The following RARRES1 variants were observed in gnomAD, a reference collection of about 807,000 sequenced individuals.
RARRES1 encodes the protein retinoic acid receptor responder protein 1.
RARRES1 carries 34 observed loss-of-function variants against 30.6 expected under a neutral mutation model. That is an observed-to-expected ratio of 1.11 (90% CI 0.84 to 1.48). The LOEUF is 1.48. Ranked by LOEUF, RARRES1 falls within the 40% of genes most tolerant of loss-of-function variation. The probability of loss-of-function intolerance (pLI) is 0.00; values close to 1 mark genes in which losing one functional copy is unlikely to be tolerated. For missense variants in RARRES1, 373 were observed against 386.5 expected (o/e 0.97, Z 0.29); for synonymous variants, 153 against 155.5 (o/e 0.98, Z 0.12).
intron 2 of RARRES1, among the ~76,000 whole-genome samples, chr3:158,711,181 TATC>T (rs1727124402): frequency 6.6e-6 from 1 of 152,154 alleles, no homozygotes; most frequent in Non-Finnish European, 1.5e-5. Flanking sequence ...TCCAAAGAAA[TATC>T]ATTGACATCC....
intron 3 of RARRES1, among the ~76,000 whole-genome samples, chr3:158,708,617 T>C (rs1727004343): frequency 6.6e-6 from 1 of 152,076 alleles, no homozygotes. Context: ...CCCATTGTAC[T>C]ACAACAGTCC....
intron 3 of RARRES1, among the ~76,000 whole-genome samples, chr3:158,707,313 A>G (rs1726956184): frequency 2.0e-5 from 3 of 152,212 alleles, no homozygotes; most frequent in Non-Finnish European, 4.4e-5. Flanking sequence ...CAATGTGTAT[A>G]GAATCTACTT....
intron 1 of RARRES1, among the ~76,000 whole-genome samples, chr3:158,731,245 T>C (rs1423788293): frequency 1.3e-5 from 2 of 152,222 alleles, no homozygotes; most frequent in Non-Finnish European, 2.9e-5. Context: ...ATCCTGCTGC[T>C]ACACTTTAAA....
rs1214933559 is a variant in RARRES1, at chr3:158,723,356, T to G, written c.276+8784A>C. On this transcript the variant is annotated intron_variant, in intron 1 of 5. Transcript: ENST00000237696. The surrounding 1 kb of genome is among the most constrained non-coding windows in gnomAD (Gnocchi z 4.4). ...ATAAGGTTACTTTTATGAGTCAGGC[T>G]TGGTTGGAGATAAGTAAACAACTCA... Among the ~76,000 whole-genome samples the G allele has an allele frequency of 2.0e-5, 3 of 152,236 alleles. No individual in the cohort carries two copies. Among genetic ancestry groups the G allele is most frequent in the Non-Finnish European group, 4.4e-5 (3 of 68,034 alleles).
At chr3:158,730,808 A>G (rs1727859684) in intron 1 of RARRES1, among the ~76,000 whole-genome samples, 2 of 146,556 alleles carry the variant, frequency 1.4e-5, no homozygotes, top group Non-Finnish European at 3.0e-5. Flanking sequence ...TTTGAGAGGG[A>G]GTTTTGCTCT....
In RARRES1 at chr3:158,723,582, G is replaced by A. The variant is rs146839470; in HGVS notation, c.276+8558C>T. Among the ~76,000 whole-genome samples, 509 of 152,344 alleles carry A rather than the reference G, an allele frequency of 3.3e-3. 1 individual carries two copies. The highest frequency in any genetic ancestry group is 0.011 in the African/African-American group (465 of 41,586). ...GGGGCCCAAGGAGCTCTTTGCGTGC[G>A]AATGCTTTGCTTTCTCAGGCTAAGT... On this transcript the variant is annotated intron_variant, in intron 1 of 5. Transcript: ENST00000237696. This position sits in a 1 kb window ranked among gnomAD's most constrained non-coding sequence, Gnocchi z 4.4.
intron 3 of RARRES1, among the ~76,000 whole-genome samples, chr3:158,710,531 A>G (rs1228532720): frequency 6.6e-6 from 1 of 152,160 alleles, no homozygotes; most frequent in African/African-American, 2.4e-5. Context: ...AAAGGGATAC[A>G]TGCTGTTGGT....
chr3:158,726,107 A>C (rs1727674561), intron 1 of RARRES1, among the ~76,000 whole-genome samples: 1 of 152,174 alleles, frequency 6.6e-6, no homozygotes, highest in Non-Finnish European at 1.5e-5. Flanking sequence ...TTTATTACTT[A>C]TCTTCTCCCT....
In RARRES1 at chr3:158,704,872, A is replaced by C. The variant is rs1726862908; in HGVS notation, c.591T>G (p.Leu197=). The C allele has an allele frequency of 6.2e-7, 1 of 1,613,926 alleles. No homozygotes were observed. The highest frequency in any genetic ancestry group is 1.7e-5 in the Admixed American group (1 of 59,994). Residue 197 remains leucine, a synonymous_variant, in exon 4 of 6, where the codon CTT becomes CTG. Transcript: ENST00000237696. ...TTTCCCACATCACGTAAGAGCTTCCAAGGAAAGCCAAATCCCAGATGAGTC... is the reference window on the plus strand; with the variant it reads ...TTTCCCACATCACGTAAGAGCTTCCCAGGAAAGCCAAATCCCAGATGAGTC... ...SLRLIWDLAF[L]GSSYVMWEMT... is the part of the protein sequence containing the mutation.
chr3:158,705,042 C>G, intron 3 of RARRES1, 115 bp from the exon 4 acceptor site: 1 of 1,347,066 alleles, frequency 7.4e-7, no homozygotes, highest in South Asian at 1.5e-5. Context: ...TCTCTCACAG[C>G]AAGACCTTGA....
intron 1 of RARRES1, among the ~76,000 whole-genome samples, chr3:158,720,091 A>C (rs192114775): frequency 1.3e-5 from 2 of 152,248 alleles, no homozygotes; most frequent in East Asian, 3.9e-4. Flanking sequence ...GACCAAACTT[A>C]AGGAATTGGC....
At position 158,710,911 on chromosome 3, in the gene RARRES1, C is replaced by A. The variant is rs144524595; in HGVS notation, c.362G>T (p.Gly121Val). The A allele has an allele frequency of 1.6e-4, 251 of 1,613,928 alleles. No individual in the cohort carries two copies. Among genetic ancestry groups the A allele is most frequent in the Admixed American group, 2.2e-4 (13 of 59,970 alleles). ...NPESLLQEGE[G>V]RLGKCSARVF... The stretch of plus-strand genomic sequence containing the variant: ...TCGAGCAGAACATTTCCCCAAACGT[C>A]CCTCACCTTCCTGAAGTAAAGACTG... The change falls in exon 3 of 6, where the codon GGA becomes GTA. Residue 121 changes from glycine (G) to valine (V), a missense_variant. Physicochemically the swap from Gly to Val is moderately radical, Grantham distance 109. Transcript: ENST00000237696.
chr3:158,719,374 C>T lies in RARRES1; in HGVS notation c.277-5515G>A, dbSNP rs563614578. Among the ~76,000 whole-genome samples, 20 of 151,072 alleles carry T rather than the reference C, an allele frequency of 1.3e-4. No homozygotes were observed. In the East Asian group the frequency reaches 3.7e-3, roughly 28 times the overall value. ...GCACCCTCCACCTCCCGGGTTCAAG[C>T]GATTGTCCTGCCTCAGCCTCCCGAG... On this transcript the variant is annotated intron_variant, in intron 1 of 5. Coordinates refer to ENST00000237696, the MANE Select transcript of RARRES1 (RefSeq NM_206963.2).
chr3:158,703,045 C>T (rs530630591), intron 4 of RARRES1, among the ~76,000 whole-genome samples: 116 of 152,274 alleles, frequency 7.6e-4, no homozygotes, highest in Admixed American at 2.5e-3. Flanking sequence ...ATGAACAAAA[C>T]GAATTTTTTA....
At chr3:158,706,890 C>T (rs1038940679) in intron 3 of RARRES1, among the ~76,000 whole-genome samples, 28 of 152,210 alleles carry the variant, frequency 1.8e-4, no homozygotes, top group African/African-American at 4.8e-4. Flanking sequence ...GCAGATAGGC[C>T]GGGCATGGTG....
chr3:158,724,703 A>G (rs1727626286), intron 1 of RARRES1, among the ~76,000 whole-genome samples: 1 of 152,206 alleles, frequency 6.6e-6, no homozygotes. Flanking sequence ...TATAGCAGCA[A>G]TAGGACACAA....
chr3:158,730,708 T>C (rs1727856090), intron 1 of RARRES1, among the ~76,000 whole-genome samples: 1 of 152,148 alleles, frequency 6.6e-6, no homozygotes, highest in Non-Finnish European at 1.5e-5. Flanking sequence ...CACCTCGGCC[T>C]CCCAAAGTGC....
chr3:158,724,783 G>A (rs976819254), intron 1 of RARRES1, among the ~76,000 whole-genome samples: 5 of 152,030 alleles, frequency 3.3e-5, no homozygotes, highest in East Asian at 1.9e-4. Flanking sequence ...GGATGACCAC[G>A]GATCACATAC....
intron 3 of RARRES1, among the ~76,000 whole-genome samples, chr3:158,706,272 A>G (rs1454399366): frequency 6.6e-6 from 1 of 152,214 alleles, no homozygotes; most frequent in Non-Finnish European, 1.5e-5. Flanking sequence ...AGGGAGGATC[A>G]GAAAGCTGAG....
Sources: allele counts gnomAD v4.1 joint callset (sites outside exome capture counted in the v4.1 genomes callset), GRCh38; gene constraint gnomAD v4.1.1; non-coding constraint Gnocchi (gnomAD v3.1); transcripts MANE v1.5; gene names NCBI Gene and HGNC (gene_info 2026-07-23, HGNC 2026-07-21).